Variants in PPP1CB observed in about 807,000 individuals in gnomAD.
PPP1CB encodes the protein protein phosphatase 1 catalytic subunit beta, also known as serine/threonine-protein phosphatase PP1-beta catalytic subunit.
In PPP1CB, 2 loss-of-function variants were observed where a neutral mutation model predicts 43.7. That is an observed-to-expected ratio of 0.05 (90% confidence interval 0.02 to 0.14). The LOEUF is 0.14. Among genes scored for constraint, PPP1CB ranks in the 10% least tolerant of loss-of-function variants. PPP1CB has a pLI of 1.00. For missense variants in PPP1CB, 84 were observed against 398.0 expected (o/e 0.21, Z 6.71); for synonymous variants, 136 against 135.6 (o/e 1.00, Z -0.02).
At chr2:28,751,680 C>G (rs534640707), upstream of PPP1CB, 620 of 200,652 alleles carry the variant, frequency 3.1e-3, 3 homozygotes, top group Non-Finnish European at 4.5e-3. Flanking sequence ...CGCTCCAGTG[C>G]GGTTGCGCGG....
At position 28,793,859 on chromosome 2, in the gene PPP1CB, A is replaced by T. The variant is rs1345451044; in HGVS notation, c.745-4A>T. On this transcript the variant is annotated splice_region_variant and splice_polypyrimidine_tract_variant and intron_variant, in intron 6 of 7. Coordinates refer to ENST00000395366, the MANE Select transcript of PPP1CB (RefSeq NM_002709.3). ...GTTTTTTCTTCTGACATTTCCTTTG[A>T]CAGGTGGTGGAAGATGGATATGAAT... 5 of 1,613,532 alleles carry T rather than the reference A, an allele frequency of 3.1e-6. No homozygotes were observed. Among genetic ancestry groups the T allele is most frequent in the Admixed American group, 3.3e-5 (2 of 59,968 alleles).
intron 1 of PPP1CB, among the ~76,000 whole-genome samples, chr2:28,767,436 G>T (rs931855720): frequency 5.9e-5 from 9 of 151,702 alleles, no homozygotes; most frequent in African/African-American, 2.2e-4. Flanking sequence ...ACACTTTATT[G>T]TGTCTTAAAA....
At chr2:28,759,571 A>T (rs1377507650) in intron 1 of PPP1CB, among the ~76,000 whole-genome samples, 1 of 151,210 alleles carries the variant, frequency 6.6e-6, no homozygotes, top group Non-Finnish European at 1.5e-5. Flanking sequence ...TATAGAGTAC[A>T]TAATACTTGA....
intron 1 of PPP1CB, among the ~76,000 whole-genome samples, chr2:28,758,033 A>T (rs976488420): frequency 8.5e-6 from 1 of 117,330 alleles, no homozygotes; most frequent in Non-Finnish European, 2.1e-5. Flanking sequence ...ATGCATTTTT[A>T]ATTTTTTTTA....
intron 1 of PPP1CB, among the ~76,000 whole-genome samples, chr2:28,767,420 T>C (rs907011263): frequency 6.6e-6 from 1 of 152,124 alleles, no homozygotes; most frequent in Non-Finnish European, 1.5e-5. Flanking sequence ...TTAAATAACA[T>C]AATCCACACT....
chr2:28,774,429 A>C (rs1466987272), intron 1 of PPP1CB, among the ~76,000 whole-genome samples: 1 of 152,084 alleles, frequency 6.6e-6, no homozygotes, highest in Admixed American at 6.6e-5. Context: ...TTCCAAGGCG[A>C]ATACTTTTTT....
intron 5 of PPP1CB, among the ~76,000 whole-genome samples, chr2:28,786,774 C>CAAAAAAAAAAAAA (rs70956040): frequency 2.1e-5 from 2 of 94,908 alleles, no homozygotes; most frequent in Admixed American, 1.4e-4. Context: ...GACTCCGTCT[C>CAAAAAAAAAAAAA]AAAAAAAAAA....
intron 1 of PPP1CB, among the ~76,000 whole-genome samples, chr2:28,768,057 T>C (rs1666821742): frequency 6.6e-6 from 1 of 152,172 alleles, no homozygotes; most frequent in African/African-American, 2.4e-5. Context: ...CTCAATTTTT[T>C]TAATGTAATC....
chr2:28,771,593 C>T (rs141049612), intron 1 of PPP1CB, among the ~76,000 whole-genome samples: 74 of 152,226 alleles, frequency 4.9e-4, no homozygotes, highest in African/African-American at 1.8e-3. Context: ...GTATGGTCAC[C>T]TGATTTTTCT....
chr2:28,775,614 C>G (rs1667021371), intron 1 of PPP1CB, among the ~76,000 whole-genome samples: 1 of 152,124 alleles, frequency 6.6e-6, no homozygotes, highest in Non-Finnish European at 1.5e-5. Context: ...TGGCTTCAAG[C>G]AGTCCTCCCG....
chr2:28,793,702 C>G (rs1480932784), intron 6 of PPP1CB, among the ~76,000 whole-genome samples, 161 bp from the exon 7 acceptor site: 2 of 152,080 alleles, frequency 1.3e-5, no homozygotes, highest in Non-Finnish European at 2.9e-5. Flanking sequence ...TTTTAATGTT[C>G]TAAGCAAAGT....
At chr2:28,785,192 A>T (rs1032995175) in intron 5 of PPP1CB, among the ~76,000 whole-genome samples, 6 of 143,954 alleles carry the variant, frequency 4.2e-5, no homozygotes, top group Non-Finnish European at 9.0e-5. Context: ...CTTCTGCCTC[A>T]GCCTCCCGAG....
chr2:28,764,385 G>A lies in PPP1CB; in HGVS notation c.52+12209G>A, dbSNP rs558839260. Reference sequence around the variant, plus strand: ...TGAGGCAGGAGAATGGCGTGAACCCGGGAGGCAGAGCTTGCAGTGAGCTGA... The same window carrying A: ...TGAGGCAGGAGAATGGCGTGAACCCAGGAGGCAGAGCTTGCAGTGAGCTGA... On this transcript the variant is annotated intron_variant, in intron 1 of 7. Transcript: ENST00000395366. Among the ~76,000 whole-genome samples the A allele has an allele frequency of 2.6e-3, 386 of 151,168 alleles. 1 individual carries two copies. The highest frequency in any genetic ancestry group is 4.4e-3 in the Non-Finnish European group (297 of 67,782).
At chr2:28,775,461 G>T (rs1553310352) in intron 1 of PPP1CB, among the ~76,000 whole-genome samples, 1 of 152,020 alleles carries the variant, frequency 6.6e-6, no homozygotes, top group Non-Finnish European at 1.5e-5. Context: ...AGACTGAAAT[G>T]CCCTAGTGCC....
At chr2:28,754,068 T>C (rs1349348595) in intron 1 of PPP1CB, among the ~76,000 whole-genome samples, 3 of 152,210 alleles carry the variant, frequency 2.0e-5, no homozygotes, top group Admixed American at 2.0e-4. Flanking sequence ...TGCTTGTAAA[T>C]TTAAATATTT....
chr2:28,776,967 C>T lies in PPP1CB; in HGVS notation c.169C>T (p.Pro57Ser), dbSNP rs1667056955. The change falls in exon 2 of 8, where the codon CCG becomes TCG. Residue 57 changes from proline (P) to serine (S), a missense_variant. Physicochemically the swap from Pro to Ser is moderately conservative, Grantham distance 74 (BLOSUM62 -1). Transcript: ENST00000395366. ...GCCTATTCTTTTGGAATTGGAAGCA[C>T]CGCTGAAAATTTGTGGTATGTAAAT... ...SQPILLELEAPLKICGDIHGQ... is the reference protein window; with the variant it reads ...SQPILLELEASLKICGDIHGQ... 1 of 1,612,778 alleles carries T rather than the reference C, an allele frequency of 6.2e-7. No homozygotes were observed. Among genetic ancestry groups the T allele is most frequent in the South Asian group, 1.1e-5 (1 of 90,964 alleles).
chr2:28,795,225 T>C (rs1032409645), intron 7 of PPP1CB, among the ~76,000 whole-genome samples: 1 of 152,230 alleles, frequency 6.6e-6, no homozygotes, highest in Non-Finnish European at 1.5e-5. Flanking sequence ...ATGTACCACA[T>C]TTTCTTTATC....
rs1667611178 is a variant in PPP1CB at position 28,801,324 on chromosome 2, G to A, written c.*2021G>A. On this transcript the variant is annotated 3_prime_UTR_variant, in exon 8 of 8. Coordinates refer to ENST00000395366, the MANE Select transcript of PPP1CB (RefSeq NM_002709.3). ...AAAATAAGCCTTTGGCAGGGAAAAA[G>A]GGCAATGTTGATTAATCTCAGTATT... 6.6e-6 allele frequency: 1 copy of A among 152,022 alleles called. No individual in the cohort carries two copies. The highest frequency in any genetic ancestry group is 1.5e-5 in the Non-Finnish European group (1 of 67,952). 9.4% of individuals were successfully genotyped at this position (152,022 alleles called of 1,614,324 possible). A position where few individuals can be genotyped will look rare whatever the true frequency, so the allele number is the denominator to read the frequency against.
intron 7 of PPP1CB, among the ~76,000 whole-genome samples, chr2:28,797,706 G>C (rs1667524972): frequency 6.6e-6 from 1 of 152,050 alleles, no homozygotes; most frequent in Non-Finnish European, 1.5e-5. Flanking sequence ...TTCAGATTGT[G>C]CTTATTTGGA....
Sources: allele counts gnomAD v4.1 joint callset (sites outside exome capture counted in the v4.1 genomes callset), GRCh38; gene constraint gnomAD v4.1.1; transcripts MANE v1.5; gene names NCBI Gene and HGNC (gene_info 2026-07-23, HGNC 2026-07-21).